CLSTN2: variants seen among roughly 807,000 people sequenced by gnomAD.
The protein encoded by CLSTN2 is calsyntenin-2.
CLSTN2 carries 48 observed loss-of-function variants against 101.2 expected under a neutral mutation model. The ratio of observed to expected loss-of-function variants is 0.47; its 90% CI spans 0.38 to 0.60. The LOEUF is 0.60. CLSTN2 is among the 20% of genes least tolerant of loss of function. The probability of loss-of-function intolerance (pLI) is 0.00; values close to 1 mark genes in which losing one functional copy is unlikely to be tolerated. For missense variants in CLSTN2, 1,160 were observed against 1,238.2 expected, an observed-to-expected ratio of 0.94 and a Z score of 0.95; for synonymous variants, 481 against 463.6, an observed-to-expected ratio of 1.04 and a Z score of -0.48.
rs199969011 is a variant in CLSTN2 at position 140,516,549 on chromosome 3, C to CG, written c.1345-15775_1345-15774insG. On this transcript the variant is annotated intron_variant, in intron 8 of 16. Coordinates refer to ENST00000458420, the MANE Select transcript of CLSTN2 (RefSeq NM_022131.3). Reference sequence around the variant, plus strand: ...GATTGGTAGTAGTGAATTCTTTTGGCATTTTTTTTTTTCTTTTTGTCTGAA... The same window carrying CG: ...GATTGGTAGTAGTGAATTCTTTTGGCGATTTTTTTTTTTCTTTTTGTCTGAA... Among the ~76,000 whole-genome samples, 796 of 133,476 alleles carry CG rather than the reference C, an allele frequency of 6.0e-3. 10 individuals are homozygous for CG. Among genetic ancestry groups the CG allele is most frequent in the East Asian group, 0.042 (175 of 4,176 alleles). The allele number at this position is 133,476 out of a possible 152,430, so 87.6% of individuals were successfully genotyped here.
At chr3:140,427,247 A>ATG (rs2088582753) in intron 5 of CLSTN2, among the ~76,000 whole-genome samples, 1 of 139,422 alleles carries the variant, frequency 7.2e-6, no homozygotes, top group African/African-American at 2.7e-5. Flanking sequence ...ATATATATAC[A>ATG]TATATATATA....
chr3:139,990,213 C>A (rs1216042268), intron 1 of CLSTN2, among the ~76,000 whole-genome samples: 2 of 152,278 alleles, frequency 1.3e-5, no homozygotes, highest in East Asian at 3.9e-4. Context: ...ATTACTAGTC[C>A]TGAAAATTGC....
chr3:140,231,551 G>A (rs762452225), intron 2 of CLSTN2, among the ~76,000 whole-genome samples: 17 of 152,080 alleles, frequency 1.1e-4, no homozygotes, highest in Non-Finnish European at 2.2e-4. Flanking sequence ...CTCATCTCAG[G>A]TGTGGAAAAG....
chr3:139,959,855 C>T (rs2107814014), intron 1 of CLSTN2, among the ~76,000 whole-genome samples: 1 of 152,274 alleles, frequency 6.6e-6, no homozygotes, highest in East Asian at 1.9e-4. Context: ...CCACAAACCA[C>T]ATTCTTTGGA....
intron 16 of CLSTN2, among the ~76,000 whole-genome samples, chr3:140,564,513 C>G (rs1935993054): frequency 6.6e-6 from 1 of 152,084 alleles, no homozygotes; most frequent in Non-Finnish European, 1.5e-5. Context: ...GAGTAACTAA[C>G]AGTGCAAATT....
intron 6 of CLSTN2, among the ~76,000 whole-genome samples, chr3:140,455,617 G>T (rs1933379791): frequency 1.3e-5 from 2 of 152,126 alleles, no homozygotes; most frequent in Non-Finnish European, 2.9e-5. Flanking sequence ...TGAATCCTCA[G>T]CTGCCTGGGG....
At chr3:140,103,821 TATGGACTAA>T (rs1262581700) in intron 1 of CLSTN2, among the ~76,000 whole-genome samples, 1 of 152,178 alleles carries the variant, frequency 6.6e-6, no homozygotes, top group Non-Finnish European at 1.5e-5. Context: ...TCAAAGAGTT[TATGGACTAA>T]ATGGGGAGAA....
intron 1 of CLSTN2, among the ~76,000 whole-genome samples, chr3:140,164,302 C>T (rs574598078): frequency 6.6e-6 from 1 of 152,144 alleles, no homozygotes; most frequent in South Asian, 2.1e-4. Context: ...TTCATCCTAC[C>T]AATGGATTAG....
intron 1 of CLSTN2, among the ~76,000 whole-genome samples, chr3:140,029,789 T>C (rs968450668): frequency 1.3e-5 from 2 of 152,192 alleles, no homozygotes; most frequent in African/African-American, 4.8e-5. Context: ...TATCTTCCCC[T>C]GCGATTCCTC....
At chr3:140,090,368 C>T (rs1375892922) in intron 1 of CLSTN2, among the ~76,000 whole-genome samples, 2 of 151,990 alleles carry the variant, frequency 1.3e-5, no homozygotes, top group Non-Finnish European at 2.9e-5. Context: ...GGCAATAATC[C>T]TGCTCTGTCA....
At chr3:140,045,226 G>C (rs142565080) in intron 1 of CLSTN2, among the ~76,000 whole-genome samples, 1,930 of 152,172 alleles carry the variant, frequency 0.013, 47 homozygotes, top group African/African-American at 0.042. Context: ...TTGGTCTATT[G>C]AGGGATTCAA....
chr3:140,147,153 G>A (rs1013871678), intron 1 of CLSTN2, among the ~76,000 whole-genome samples: 1 of 152,210 alleles, frequency 6.6e-6, no homozygotes, highest in Admixed American at 6.5e-5. Flanking sequence ...GACTACTTCC[G>A]TGCATTTAGG....
At chr3:140,078,056 T>G (rs116260892) in intron 1 of CLSTN2, among the ~76,000 whole-genome samples, 1 of 152,122 alleles carries the variant, frequency 6.6e-6, no homozygotes, top group Non-Finnish European at 1.5e-5. Context: ...GAGGGGAAGA[T>G]GAAAGAGGAA....
At chr3:140,432,598 CAT>C (rs2088644116) in intron 5 of CLSTN2, among the ~76,000 whole-genome samples, 1 of 152,170 alleles carries the variant, frequency 6.6e-6, no homozygotes, top group Non-Finnish European at 1.5e-5. Context: ...ACATCACTGA[CAT>C]AGCTGATCAT....
intron 2 of CLSTN2, among the ~76,000 whole-genome samples, chr3:140,191,293 G>A (rs1386030282): frequency 6.6e-6 from 1 of 151,668 alleles, no homozygotes; most frequent in Non-Finnish European, 1.5e-5. Context: ...TTCTTTTATA[G>A]CTTGCTGATT....
chr3:140,204,221 G>T (rs1334702540), intron 2 of CLSTN2, among the ~76,000 whole-genome samples: 1 of 152,196 alleles, frequency 6.6e-6, no homozygotes, highest in Non-Finnish European at 1.5e-5. Context: ...GTTCATAAGT[G>T]GTAGTTGTTT....
intron 8 of CLSTN2, among the ~76,000 whole-genome samples, chr3:140,504,672 G>A (rs926155014): frequency 6.6e-6 from 1 of 152,182 alleles, no homozygotes; most frequent in African/African-American, 2.4e-5. Context: ...TACATCCACA[G>A]TCACACCAAA....
intron 1 of CLSTN2, among the ~76,000 whole-genome samples, chr3:140,173,788 C>T (rs1029149852): frequency 3.3e-5 from 5 of 152,170 alleles, no homozygotes; most frequent in Admixed American, 6.5e-5. Context: ...CTATGTTGGC[C>T]CCTTTCAGCC....
intron 1 of CLSTN2, among the ~76,000 whole-genome samples, chr3:139,992,652 C>G (rs142281828): frequency 1.3e-5 from 2 of 152,192 alleles, no homozygotes; most frequent in Admixed American, 6.5e-5. Context: ...TGCTGCAATA[C>G]CATTTACAAA....
Sources: gnomAD v4.1 joint callset for allele counts (sites outside exome capture counted in the v4.1 genomes callset) on GRCh38, gnomAD v4.1.1 for gene constraint, MANE v1.5 for transcripts, NCBI Gene and HGNC (gene_info 2026-07-23, HGNC 2026-07-21) for gene names.